The following KIAA1671 variants were observed in gnomAD, a reference collection of about 807,000 sequenced individuals.
KIAA1671 encodes KIAA1671.
KIAA1671 carries 52 observed loss-of-function variants against 131.2 expected under a neutral mutation model. That is an observed-to-expected ratio of 0.40 (90% CI 0.32 to 0.50). The LOEUF (loss-of-function observed/expected upper bound fraction) is 0.50. Among genes scored for constraint, KIAA1671 ranks in the 20% least tolerant of loss-of-function variants. The pLI is 0.73. For synonymous variants in KIAA1671, 1,003 were observed against 961.6 expected (o/e 1.04, Z -0.80); for missense variants, 2,360 against 2,364.2 (o/e 1.00, Z 0.04).
At chr22:25,001,872 T>A (rs1285107255) in intron 1 of KIAA1671, among the ~76,000 whole-genome samples, 2 of 152,128 alleles carry the variant, frequency 1.3e-5, no homozygotes, top group African/African-American at 2.4e-5. Context: ...ATCCTTGGGC[T>A]AAAGCAATTT....
chr22:25,002,136 T>G (rs2123863213), intron 1 of KIAA1671, among the ~76,000 whole-genome samples: 1 of 152,292 alleles, frequency 6.6e-6, no homozygotes, highest in East Asian at 1.9e-4. Context: ...CAGGCTTGCC[T>G]TATTTTTGGA....
At chr22:25,073,986 G>A (rs901699770) in intron 6 of KIAA1671, among the ~76,000 whole-genome samples, 25 of 152,088 alleles carry the variant, frequency 1.6e-4, no homozygotes, top group African/African-American at 5.8e-4. Flanking sequence ...GAGCCACTGC[G>A]CCCAGTCCTG....
At chr22:25,066,600 A>G (rs1337964831) in intron 6 of KIAA1671, among the ~76,000 whole-genome samples, 8 of 152,232 alleles carry the variant, frequency 5.3e-5, no homozygotes. Context: ...TTCAAACCAT[A>G]GCCCTGGAGA....
intron 6 of KIAA1671, among the ~76,000 whole-genome samples, chr22:25,117,823 G>A (rs761201576): frequency 2.6e-5 from 4 of 151,962 alleles, no homozygotes; most frequent in African/African-American, 4.8e-5. Context: ...TCACAGTTCC[G>A]GAGTCCAGAA....
chr22:25,049,438 G>T (rs5760813), intron 6 of KIAA1671, 74 bp downstream of exon 6: 1,043,228 of 1,496,788 alleles, frequency 0.7, 367,810 homozygotes, highest in African/African-American at 0.93. Flanking sequence ...AATGTGGTTG[G>T]TGGAGCATCT....
chr22:25,093,173 T>C (rs1277727506), intron 6 of KIAA1671, among the ~76,000 whole-genome samples: 1 of 152,206 alleles, frequency 6.6e-6, no homozygotes, highest in Non-Finnish European at 1.5e-5. Context: ...GCTATTGTTA[T>C]CCCCATTTAC....
At chr22:25,144,403 C>T (rs1271400141) in intron 6 of KIAA1671, among the ~76,000 whole-genome samples, 1 of 152,204 alleles carries the variant, frequency 6.6e-6, no homozygotes, top group Non-Finnish European at 1.5e-5. Context: ...CCCTGATGCT[C>T]CTGTGATGGG....
chr22:25,033,582 T>TG (rs1222679749), intron 4 of KIAA1671, among the ~76,000 whole-genome samples: 4 of 121,568 alleles, frequency 3.3e-5, no homozygotes, highest in African/African-American at 6.5e-5. Flanking sequence ...TCGTTTTTTT[T>TG]TTTTTTTTTT....
rs145430173 is a variant in KIAA1671, at chr22:24,954,679, G to A, written c.-208+1907G>A. ...CTGCAGTCTAGTACTGATTCTTGAT[G>A]TTGGGGATACAGTTCTCACCCTAGG... On this transcript the variant is annotated intron_variant, in intron 1 of 12. Transcript: ENST00000358431. Among the ~76,000 whole-genome samples the A allele has an allele frequency of 4.1e-3, 617 of 152,328 alleles. 3 individuals are homozygous for A. Among genetic ancestry groups the A allele is most frequent in the African/African-American group, 0.014 (569 of 41,574 alleles).
Position 25,073,756 on chromosome 22 carries a change from G to A in KIAA1671, c.4530+24392G>A, listed in dbSNP as rs536833367. The stretch of plus-strand genomic sequence containing the variant: ...CTGTTGCCCACGCAGGAGTGCAGTG[G>A]CATGATCTTGGCTCACTGCAACCTC... On this transcript the variant is annotated intron_variant, in intron 6 of 12. Transcript: ENST00000358431. 2.0e-5 allele frequency among the ~76,000 whole-genome samples: 3 copies of A among 152,288 alleles called. No individual in the cohort carries two copies. The East Asian group carries it at 5.8e-4, about 29-fold the overall frequency.
intron 6 of KIAA1671, chr22:25,063,127 C>T (rs1022194287): frequency 2.0e-5 from 3 of 151,918 alleles, no homozygotes; most frequent in Non-Finnish European, 2.9e-5. Flanking sequence ...AAGCAAGTTC[C>T]GGAGTGCAGT....
intron 1 of KIAA1671, among the ~76,000 whole-genome samples, chr22:25,001,233 G>GTATA (rs1555951932): frequency 2.3e-5 from 1 of 43,986 alleles, no homozygotes; most frequent in African/African-American, 9.3e-5. Flanking sequence ...GTATGTGTGT[G>GTATA]TATATGTGTG....
intron 6 of KIAA1671, chr22:25,112,236 G>C (rs1931400251): frequency 5.0e-6 from 2 of 398,994 alleles, no homozygotes; most frequent in Non-Finnish European, 8.8e-6. Flanking sequence ...CAGTGGATGG[G>C]CACCGTGAGG....
intron 8 of KIAA1671, chr22:25,175,289 T>C (rs1406788051): frequency 1.3e-5 from 2 of 152,170 alleles, no homozygotes; most frequent in Non-Finnish European, 2.9e-5. Context: ...ATCTGCAAAA[T>C]GTGAAAGGGA....
intron 1 of KIAA1671, among the ~76,000 whole-genome samples, chr22:25,008,961 G>A (rs1303891269): frequency 6.6e-6 from 1 of 152,238 alleles, no homozygotes; most frequent in Admixed American, 6.5e-5. Flanking sequence ...GTGGGAGGAG[G>A]AGGAGCCAGT....
At chr22:25,172,591 C>T (rs1349524578) in intron 7 of KIAA1671, among the ~76,000 whole-genome samples, 1 of 152,180 alleles carries the variant, frequency 6.6e-6, no homozygotes, top group Admixed American at 6.5e-5. Flanking sequence ...CAGGTGTGCC[C>T]ACCTGTCCTT....
At chr22:25,043,692 A>C (rs1927066226) in intron 5 of KIAA1671, among the ~76,000 whole-genome samples, 1 of 152,052 alleles carries the variant, frequency 6.6e-6, no homozygotes, top group Non-Finnish European at 1.5e-5. Flanking sequence ...GTCTCAGCCC[A>C]AGCTTGAGGG....
chr22:24,959,363 A>G (rs1921894258), intron 1 of KIAA1671, among the ~76,000 whole-genome samples: 1 of 151,792 alleles, frequency 6.6e-6, no homozygotes, highest in Non-Finnish European at 1.5e-5. Context: ...TAAAAATAAA[A>G]TTAAAAAAAA....
Position 25,039,626 on chromosome 22 carries a change from A to G in KIAA1671, c.2496A>G (p.Lys832=). The G allele has an allele frequency of 1.3e-6, 2 of 1,549,672 alleles. No individual in the cohort carries two copies. The highest frequency in any genetic ancestry group is 2.4e-5 in the East Asian group (1 of 40,834). Residue 832 remains lysine, a synonymous_variant, in exon 5 of 13, where the codon AAA becomes AAG. Coordinates refer to ENST00000358431, the MANE Select transcript of KIAA1671 (RefSeq NM_001145206.2). Reference sequence around the variant, plus strand: ...GCGGGGCAGTGGTGAGCTCGCACAAAGCCACCGTGGCAGTCAGCGAAGAGC... The same window carrying G: ...GCGGGGCAGTGGTGAGCTCGCACAAGGCCACCGTGGCAGTCAGCGAAGAGC... ...WTGGAVVSSH[K]ATVAVSEEHC...
Sources: gnomAD v4.1 joint callset for allele counts (sites outside exome capture counted in the v4.1 genomes callset) on GRCh38, gnomAD v4.1.1 for gene constraint, MANE v1.5 for transcripts, NCBI Gene and HGNC (gene_info 2026-07-23, HGNC 2026-07-21) for gene names.